Variants in EYS observed in about 807,000 individuals in gnomAD.
EYS encodes the protein EGF-like photoreceptor maintenance factor, also known as protein eyes shut homolog.
In EYS, 250 loss-of-function variants were observed where a neutral mutation model predicts 282.1. That is an observed-to-expected ratio of 0.89 (90% CI 0.80 to 0.98). EYS has a LOEUF of 0.98. Among genes scored for constraint, EYS ranks in the 50% least tolerant of loss-of-function variants. The pLI is 0.00. For missense variants in EYS, 4,016 were observed against 3,709.0 expected, an observed-to-expected ratio of 1.08 and a Z score of -2.15; for synonymous variants, 1,355 against 1,282.9, an observed-to-expected ratio of 1.06 and a Z score of -1.20.
chr6:64,093,763 T>C (rs879322422), intron 31 of EYS, among the ~76,000 whole-genome samples: 2 of 152,158 alleles, frequency 1.3e-5, no homozygotes, highest in Non-Finnish European at 2.9e-5. Flanking sequence ...TGCTGCCTGA[T>C]TGCCCTGGCC....
At chr6:65,291,988 A>C (rs1430594953) in intron 12 of EYS, among the ~76,000 whole-genome samples, 1 of 151,636 alleles carries the variant, frequency 6.6e-6, no homozygotes, top group Non-Finnish European at 1.5e-5. Flanking sequence ...AGGGATGTAC[A>C]TGCAGCTCCA....
chr6:65,675,365 T>TA (rs1258713770), intron 1 of EYS, among the ~76,000 whole-genome samples: 1 of 151,770 alleles, frequency 6.6e-6, no homozygotes. Flanking sequence ...ATAAGCACCC[T>TA]ACAAGAGACT....
At chr6:64,082,735 G>A (rs1423551906) in intron 31 of EYS, among the ~76,000 whole-genome samples, 1 of 151,822 alleles carries the variant, frequency 6.6e-6, no homozygotes, top group East Asian at 1.9e-4. Context: ...AGAATTATTT[G>A]TATTTTAAAT....
chr6:64,003,937 T>G (rs9450526), intron 33 of EYS, among the ~76,000 whole-genome samples: 288 of 152,312 alleles, frequency 1.9e-3, no homozygotes, highest in African/African-American at 6.7e-3. Context: ...ATTGTAAATT[T>G]CCTGAGGCCT....
chr6:63,794,169 T>C (rs920717496), intron 37 of EYS, among the ~76,000 whole-genome samples: 14 of 152,196 alleles, frequency 9.2e-5, no homozygotes, highest in African/African-American at 3.4e-4. Flanking sequence ...TTAAGTGAGA[T>C]TTAATGTGTA....
rs373503804 is a variant in EYS, at chr6:64,299,958, C to T, written c.6191+7012G>A. Reference sequence around the variant, plus strand: ...TTACCACCTCCTTGTCCCTCAGACACGCTATCACCAGGCCAAAATAACAAA... The same window carrying T: ...TTACCACCTCCTTGTCCCTCAGACATGCTATCACCAGGCCAAAATAACAAA... On this transcript the variant is annotated intron_variant, in intron 30 of 42. Coordinates refer to ENST00000503581, the MANE Select transcript of EYS (RefSeq NM_001142800.2). Among the ~76,000 whole-genome samples the T allele has an allele frequency of 6.6e-5, 10 of 152,042 alleles. No homozygotes were observed. In the East Asian group the frequency reaches 9.7e-4, roughly 15 times the overall value.
chr6:65,380,358 C>T (rs1272437847), intron 8 of EYS, among the ~76,000 whole-genome samples: 1 of 152,070 alleles, frequency 6.6e-6, no homozygotes, highest in Non-Finnish European at 1.5e-5. Flanking sequence ...ATGACAAAAA[C>T]AAGCAATGGG....
chr6:63,942,251 T>G (rs992596327), intron 35 of EYS, among the ~76,000 whole-genome samples: 2 of 152,146 alleles, frequency 1.3e-5, no homozygotes, highest in Non-Finnish European at 2.9e-5. Flanking sequence ...TAGAGAAAGC[T>G]GTGAAGGCCA....
At chr6:65,515,499 T>G (rs1043964658) in intron 2 of EYS, among the ~76,000 whole-genome samples, 8 of 151,328 alleles carry the variant, frequency 5.3e-5, no homozygotes, top group Admixed American at 1.3e-4. Context: ...CACGTATGTT[T>G]ATTGCGGCAC....
Position 65,232,963 on chromosome 6 carries a change from A to G in EYS, c.2023+62900T>C, listed in dbSNP as rs138370903. Among the ~76,000 whole-genome samples the G allele has an allele frequency of 9.2e-5, 14 of 152,274 alleles. No homozygotes were observed. The East Asian group carries it at 2.7e-3, about 29-fold the overall frequency. ...CATCAATATTGTCACATGTGTCAGT[A>G]CTATTAGTCTGCTCCTGTGAATTTT... On this transcript the variant is annotated intron_variant, in intron 12 of 42. Coordinates refer to ENST00000503581, the MANE Select transcript of EYS (RefSeq NM_001142800.2).
At chr6:64,233,649 T>G (rs1766498642) in intron 30 of EYS, among the ~76,000 whole-genome samples, 1 of 152,190 alleles carries the variant, frequency 6.6e-6, no homozygotes, top group South Asian at 2.1e-4. Flanking sequence ...GATCGTTTCT[T>G]AGGTAACTTT....
At chr6:65,242,165 T>C (rs954275640) in intron 12 of EYS, among the ~76,000 whole-genome samples, 2 of 152,102 alleles carry the variant, frequency 1.3e-5, no homozygotes, top group African/African-American at 4.8e-5. Flanking sequence ...CTATACACTT[T>C]ACCATTTAAA....
chr6:65,400,121 A>G (rs1053699767), intron 7 of EYS, among the ~76,000 whole-genome samples: 12 of 152,048 alleles, frequency 7.9e-5, no homozygotes, highest in Non-Finnish European at 2.9e-5. Context: ...AGTAGGGGGT[A>G]AAAAAGTTAT....
intron 26 of EYS, among the ~76,000 whole-genome samples, chr6:64,463,081 G>T (rs1775804554): frequency 6.6e-6 from 1 of 151,588 alleles, no homozygotes; most frequent in Admixed American, 6.6e-5. Context: ...CAAGCAGCTG[G>T]GACTACAGGT....
At chr6:65,648,997 T>G (rs971288589) in intron 1 of EYS, among the ~76,000 whole-genome samples, 2 of 151,630 alleles carry the variant, frequency 1.3e-5, no homozygotes, top group African/African-American at 4.8e-5. Flanking sequence ...ATACAAAAAA[T>G]TAGCTGGGCA....
intron 13 of EYS, among the ~76,000 whole-genome samples, 168 bp from the exon 14 acceptor site, chr6:64,997,871 T>C (rs544926589): frequency 7.9e-4 from 120 of 152,258 alleles, no homozygotes; most frequent in Non-Finnish European, 1.4e-3. Flanking sequence ...ATTTTCTAAA[T>C]AACCATCTTA....
At chr6:64,781,793 T>C (rs1159000428) in intron 22 of EYS, among the ~76,000 whole-genome samples, 1 of 152,178 alleles carries the variant, frequency 6.6e-6, no homozygotes, top group Admixed American at 6.5e-5. Context: ...TTCCTCATTT[T>C]CAAAGTCATC....
chr6:65,151,903 T>C (rs947098404), intron 12 of EYS, among the ~76,000 whole-genome samples: 5 of 151,994 alleles, frequency 3.3e-5, no homozygotes, highest in Admixed American at 1.3e-4. Flanking sequence ...TTTAGAATTT[T>C]CCTCCCACTA....
At chr6:63,896,327 C>T (rs552427058) in intron 35 of EYS, among the ~76,000 whole-genome samples, 5 of 152,202 alleles carry the variant, frequency 3.3e-5, no homozygotes, top group African/African-American at 1.2e-4. Context: ...TTATGTGCCC[C>T]TCAGATTATT....
Sources: allele counts gnomAD v4.1 joint callset (sites outside exome capture counted in the v4.1 genomes callset), GRCh38; gene constraint gnomAD v4.1.1; transcripts MANE v1.5; gene names NCBI Gene and HGNC (gene_info 2026-07-23, HGNC 2026-07-21).